FOXN2: variants seen among roughly 807,000 people sequenced by gnomAD.
The protein encoded by FOXN2 is forkhead box N2.
A neutral mutation model predicts 41.2 loss-of-function variants in FOXN2; 19 were observed. That is an observed-to-expected ratio of 0.46 (90% CI 0.32 to 0.68). The LOEUF (loss-of-function observed/expected upper bound fraction) is 0.68. FOXN2 is among the 30% of genes least tolerant of loss of function. FOXN2 has a pLI of 0.03. For synonymous variants in FOXN2, 195 were observed against 176.8 expected (o/e 1.10, Z -0.82); for missense variants, 587 against 509.4 (o/e 1.15, Z -1.47).
chr2:48,352,943 G>C (rs1406941899), intron 3 of FOXN2, among the ~76,000 whole-genome samples: 1 of 152,004 alleles, frequency 6.6e-6, no homozygotes, highest in Non-Finnish European at 1.5e-5. Context: ...ATTTCTTTTA[G>C]TTTCTACCAT....
At chr2:48,352,019 A>G (rs1351239191) in intron 3 of FOXN2, among the ~76,000 whole-genome samples, 1 of 152,142 alleles carries the variant, frequency 6.6e-6, no homozygotes. Context: ...CCAGAATAGA[A>G]GTGTGATGAA....
At chr2:48,374,233 C>G (rs1480261124) in intron 6 of FOXN2, among the ~76,000 whole-genome samples, 4 of 151,962 alleles carry the variant, frequency 2.6e-5, no homozygotes, top group African/African-American at 9.7e-5. Context: ...GGAAAGTCAG[C>G]AAAATATATG....
intron 6 of FOXN2, among the ~76,000 whole-genome samples, chr2:48,373,623 A>T (rs1056664436): frequency 1.9e-4 from 29 of 152,196 alleles, no homozygotes; most frequent in African/African-American, 7.0e-4. Context: ...AGCTAAAAGT[A>T]AAAATGAAAA....
At chr2:48,354,913 A>C (rs1357076248) in intron 3 of FOXN2, among the ~76,000 whole-genome samples, 1 of 152,192 alleles carries the variant, frequency 6.6e-6, no homozygotes, top group African/African-American at 2.4e-5. Flanking sequence ...ATTAGAATTC[A>C]AAAATTTTAA....
At chr2:48,323,217 A>G (rs1413616888) in intron 1 of FOXN2, among the ~76,000 whole-genome samples, 1 of 152,076 alleles carries the variant, frequency 6.6e-6, no homozygotes, top group African/African-American at 2.4e-5. Context: ...ATTTTGGTAC[A>G]TGTTTACAAC....
At chr2:48,346,828 A>G in intron 3 of FOXN2, 77 bp downstream of exon 3, 1 of 1,258,528 alleles carries the variant, frequency 7.9e-7, no homozygotes. Context: ...ATATCTGGAA[A>G]TCGGGGAGAC....
intron 2 of FOXN2, among the ~76,000 whole-genome samples, chr2:48,329,515 C>T (rs1218964246): frequency 6.6e-6 from 1 of 152,060 alleles, no homozygotes; most frequent in Non-Finnish European, 1.5e-5. Flanking sequence ...ACTCCCATCC[C>T]CCTTGACTAG....
chr2:48,314,191 A>C (rs1668725473), upstream of FOXN2, among the ~76,000 whole-genome samples: 1 of 152,360 alleles, frequency 6.6e-6, no homozygotes, highest in Non-Finnish European at 1.5e-5. Flanking sequence ...GTGTCGAGGA[A>C]GGTCTCCTCA....
At chr2:48,318,703 T>C (rs1002931601) in intron 1 of FOXN2, among the ~76,000 whole-genome samples, 2 of 152,242 alleles carry the variant, frequency 1.3e-5, no homozygotes, top group African/African-American at 4.8e-5. Context: ...TGGACAGATA[T>C]TTATTTAGTA....
At position 48,375,300 on chromosome 2, in the gene FOXN2, A is replaced by T. The variant is rs751194460; in HGVS notation, c.1153A>T (p.Met385Leu). 1.2e-6 allele frequency: 2 copies of T among 1,614,000 alleles called. No homozygotes were observed. Among genetic ancestry groups the T allele is most frequent in the Non-Finnish European group, 1.7e-6 (2 of 1,179,992 alleles). Residue 385 changes from methionine to leucine, a missense_variant, in exon 7 of 7, where the codon ATG (methionine) becomes TTG (leucine). By Grantham distance (15) the Met-to-Leu change is conservative. Coordinates refer to ENST00000340553, the MANE Select transcript of FOXN2 (RefSeq NM_002158.4). The stretch of plus-strand genomic sequence containing the variant: ...TGAAAAAGGGCAGTCAGGCAAAAAG[A>T]TGCGAAAACAGACATGTCAAGAAAT... Reference protein sequence around the residue: ...ISEKGQSGKKMRKQTCQEIDE... With the variant: ...ISEKGQSGKKLRKQTCQEIDE...
intron 2 of FOXN2, among the ~76,000 whole-genome samples, chr2:48,339,212 G>A (rs912798477): frequency 5.3e-5 from 8 of 152,138 alleles, no homozygotes; most frequent in African/African-American, 1.9e-4. Flanking sequence ...GCAAGGAGAT[G>A]CAGTTTCAGA....
intron 2 of FOXN2, among the ~76,000 whole-genome samples, chr2:48,329,270 G>A (rs1669878434): frequency 6.6e-6 from 1 of 152,148 alleles, no homozygotes; most frequent in Non-Finnish European, 1.5e-5. Context: ...TTAAATAGAA[G>A]TAGCATCTAA....
At chr2:48,343,339 G>A (rs1030179383) in intron 2 of FOXN2, among the ~76,000 whole-genome samples, 7 of 152,210 alleles carry the variant, frequency 4.6e-5, no homozygotes, top group Non-Finnish European at 7.4e-5. Flanking sequence ...GGCAGTTAGT[G>A]CACCTTTTTG....
At chr2:48,326,825 A>G (rs1054066931) in intron 1 of FOXN2, among the ~76,000 whole-genome samples, 1 of 152,212 alleles carries the variant, frequency 6.6e-6, no homozygotes, top group African/African-American at 2.4e-5. Flanking sequence ...AATGAATATT[A>G]TGTTTAGACT....
At chr2:48,328,310 A>G (rs748910807) in intron 1 of FOXN2, among the ~76,000 whole-genome samples, 21 of 152,214 alleles carry the variant, frequency 1.4e-4, no homozygotes, top group Non-Finnish European at 2.8e-4. Context: ...CCTCCTGAAG[A>G]TACCAAAATC....
At chr2:48,337,155 G>A (rs1409461943) in intron 2 of FOXN2, among the ~76,000 whole-genome samples, 3 of 150,476 alleles carry the variant, frequency 2.0e-5, no homozygotes, top group South Asian at 4.2e-4. Context: ...ACTCTTAGAC[G>A]TTCATGATTT....
chr2:48,338,760 A>G (rs995162774), intron 2 of FOXN2, among the ~76,000 whole-genome samples: 2 of 152,218 alleles, frequency 1.3e-5, no homozygotes, highest in African/African-American at 4.8e-5. Context: ...ATGAAATTGG[A>G]TAAAAAATAC....
rs1673430788 is a variant in FOXN2 at position 48,379,278 on chromosome 2, TTTTG to T, written c.*3839_*3842del. ...TTATGAGAAAGTATTGCATAATAAA[TTTTG>T]TTTTATAACTTTTTTTGTGCTTTCT... On this transcript the variant is annotated 3_prime_UTR_variant, in exon 7 of 7. Transcript: ENST00000340553. 1 of 152,632 alleles carries T rather than the reference TTTTG, an allele frequency of 6.6e-6. No individual in the cohort carries two copies. The highest frequency in any genetic ancestry group is 2.4e-5 in the African/African-American group (1 of 41,444). The allele number at this position is 152,632 out of a possible 1,614,324, so 9.5% of individuals were successfully genotyped here.
chr2:48,351,958 A>G lies in FOXN2; in HGVS notation c.537+5207A>G, dbSNP rs550708545. 2.6e-5 allele frequency among the ~76,000 whole-genome samples: 4 copies of G among 152,334 alleles called. No homozygotes were observed. In the East Asian group the frequency reaches 7.7e-4, roughly 29 times the overall value. ...GCTGGGAGTTTGGGGCAGTAGGCAT[A>G]TTCTCTGTTGGTGAGGAATGTACGA... On this transcript the variant is annotated intron_variant, in intron 3 of 6. Coordinates refer to ENST00000340553, the MANE Select transcript of FOXN2 (RefSeq NM_002158.4).
Sources: allele counts gnomAD v4.1 joint callset (sites outside exome capture counted in the v4.1 genomes callset), GRCh38; gene constraint gnomAD v4.1.1; transcripts MANE v1.5; gene names NCBI Gene and HGNC (gene_info 2026-07-23, HGNC 2026-07-21).